DHFR2: variants seen among roughly 807,000 people sequenced by gnomAD.
The protein encoded by DHFR2 is dihydrofolate reductase 2, also known as dihydrofolate reductase 2, mitochondrial.
DHFR2 carries 11 observed loss-of-function variants against 12.0 expected under a neutral mutation model. The ratio of observed to expected loss-of-function variants is 0.92; its 90% CI spans 0.58 to 1.52. The LOEUF (loss-of-function observed/expected upper bound fraction) is 1.52, where lower values mean the gene tolerates loss of function less well. Ranked by LOEUF, DHFR2 falls within the 40% of genes most tolerant of loss-of-function variation. The pLI, the probability that DHFR2 is intolerant of heterozygous loss-of-function variation, is 0.00. For synonymous variants in DHFR2, 87 were observed against 79.6 expected (o/e 1.09, Z -0.49); for missense variants, 188 against 221.2 (o/e 0.85, Z 0.95).
At chr3:94,063,301 T>C (rs1218009279), upstream of DHFR2, 3 of 757,062 alleles carry the variant, frequency 4.0e-6, no homozygotes, top group Non-Finnish European at 4.7e-6. Flanking sequence ...GAAATAATGC[T>C]GAGTGCTGTA....
At chr3:94,062,002 T>C (rs966568210) in intron 1 of DHFR2, among the ~76,000 whole-genome samples, 21 of 152,188 alleles carry the variant, frequency 1.4e-4, no homozygotes, top group Admixed American at 7.2e-4. Context: ...TATATTGATA[T>C]GAGCATCAAG....
chr3:94,063,122 G>A (rs2107230085), upstream of DHFR2: 1 of 1,614,034 alleles, frequency 6.2e-7, no homozygotes, highest in Non-Finnish European at 8.5e-7. Context: ...GCTCTCAGCG[G>A]GACAATGCTG....
chr3:94,062,387 A>G (rs1400330385), intron 1 of DHFR2, among the ~76,000 whole-genome samples: 2 of 152,202 alleles, frequency 1.3e-5, no homozygotes, highest in Non-Finnish European at 1.5e-5. Context: ...TCTCCATTAA[A>G]AGGAGAGATT....
upstream of DHFR2, chr3:94,063,317 G>A (rs1399901456): frequency 1.3e-5 from 9 of 667,424 alleles, no homozygotes; most frequent in Non-Finnish European, 1.9e-5. Flanking sequence ...CTGTAATGCT[G>A]AGTCCCTTCC....
rs2077168401 is a variant in DHFR2 at position 94,060,759 on chromosome 3, G to A, written c.*189C>T. On this transcript the variant is annotated 3_prime_UTR_variant, in exon 2 of 2. Transcript: ENST00000314636. ...CTGGGGACTCAGTCGGGGTCTTGGA[G>A]AGACAGTTATAGCAAGAATGTTTCA... 2 of 698,092 alleles carry A rather than the reference G, an allele frequency of 2.9e-6. No individual in the cohort carries two copies. The highest frequency in any genetic ancestry group is 4.1e-4 in the Middle Eastern group (1 of 2,448). The allele number at this position is 698,092 out of a possible 1,614,324, so 43.2% of individuals were successfully genotyped here.
Position 94,059,686 on chromosome 3 carries a change from G to A in DHFR2, c.*1262C>T, listed in dbSNP as rs1418142887. On this transcript the variant is annotated 3_prime_UTR_variant, in exon 2 of 2. Transcript: ENST00000314636. ...TACCATCATCCCTCACTTGAACCTA[G>A]AATTGGTTTTCCTGCTTCTGTACTT... 6.6e-6 allele frequency: 1 copy of A among 152,178 alleles called. No homozygotes were observed. Among genetic ancestry groups the A allele is most frequent in the African/African-American group, 2.4e-5 (1 of 41,436 alleles). The allele number at this position is 152,178 out of a possible 1,614,324, so 9.4% of individuals were successfully genotyped here.
At chr3:94,063,090 C>G, upstream of DHFR2, 1 of 1,613,576 alleles carries the variant, frequency 6.2e-7, no homozygotes, top group East Asian at 2.2e-5. Context: ...GATACTGATT[C>G]GCGTACACCT....
Position 94,061,315 on chromosome 3 carries a change from C to T in DHFR2, c.197G>A (p.Arg66Gln). 1 of 1,613,988 alleles carries T rather than the reference C, an allele frequency of 6.2e-7. No individual in the cohort carries two copies. Among genetic ancestry groups the T allele is most frequent in the Non-Finnish European group, 8.5e-7 (1 of 1,179,906 alleles). ...KTWFSIPEKN[R>Q]PLKDRINLVL... ...TAAATTAATTCTATCCTTTAAAGGT[C>T]GATTCTTCTCAGGAATGGAGAACCA... The change falls in exon 2 of 2, where the codon CGA (arginine) becomes CAA (glutamine). Residue 66 changes from arginine to glutamine, a missense_variant. By Grantham distance (43) the Arg-to-Gln change is conservative. Transcript: ENST00000314636.
At chr3:94,063,092 C>T, upstream of DHFR2, 3 of 1,613,780 alleles carry the variant, frequency 1.9e-6, no homozygotes, top group Non-Finnish European at 2.5e-6. Context: ...TACTGATTCG[C>T]GTACACCTGT....
chr3:94,058,880 C>T lies in DHFR2; in HGVS notation c.*2068G>A, dbSNP rs920293040. ...CTCTTGGGCTCAAGCCATCCTTTTG[C>T]TTAGCCTCCTGAGTAGCTGGGACTA... On this transcript the variant is annotated 3_prime_UTR_variant, in exon 2 of 2. Coordinates refer to ENST00000314636, the MANE Select transcript of DHFR2 (RefSeq NM_176815.5). 1.3e-5 allele frequency: 2 copies of T among 154,546 alleles called. No individual in the cohort carries two copies. The highest frequency in any genetic ancestry group is 4.8e-5 in the African/African-American group (2 of 41,516). The allele number at this position is 154,546 out of a possible 1,614,324, so 9.6% of individuals were successfully genotyped here.
chr3:94,062,980 A>G, upstream of DHFR2: 2 of 829,262 alleles, frequency 2.4e-6, no homozygotes, highest in Non-Finnish European at 4.0e-6. Flanking sequence ...CGAGCAAATC[A>G]GTATCTCGCG....
chr3:94,063,042 A>C (rs2077186583), upstream of DHFR2: 6 of 1,473,828 alleles, frequency 4.1e-6, no homozygotes, highest in Non-Finnish European at 5.7e-6. Context: ...CGAATCCCGG[A>C]AGTCAGACTG....
upstream of DHFR2, chr3:94,063,222 A>G (rs1280213179): frequency 9.9e-6 from 13 of 1,311,160 alleles, no homozygotes; most frequent in Non-Finnish European, 1.3e-5. Flanking sequence ...GGGTGCTGGG[A>G]TGGGGGAACA....
At position 94,059,287 on chromosome 3, in the gene DHFR2, C is replaced by CA. The variant is rs2077160117; in HGVS notation, c.*1660dup. ...GGAGTGCAGTGGCAAAATCACGACTCACTGCAGCCTTGAACTCATGGGCTC... is the reference window on the plus strand; with the variant it reads ...GGAGTGCAGTGGCAAAATCACGACTCAACTGCAGCCTTGAACTCATGGGCTC... On this transcript the variant is annotated 3_prime_UTR_variant, in exon 2 of 2. Transcript: ENST00000314636. 1 of 152,208 alleles carries CA rather than the reference C, an allele frequency of 6.6e-6. No homozygotes were observed. Among genetic ancestry groups the CA allele is most frequent in the Non-Finnish European group, 1.5e-5 (1 of 68,076 alleles). 9.4% of individuals were successfully genotyped at this position (152,208 alleles called of 1,614,324 possible). A position where few individuals can be genotyped will look rare whatever the true frequency, so the allele number is the denominator to read the frequency against.
chr3:94,060,930 C>T lies in DHFR2; in HGVS notation c.*18G>A. On this transcript the variant is annotated 3_prime_UTR_variant, in exon 2 of 2. Transcript: ENST00000314636. The stretch of plus-strand genomic sequence containing the variant: ...TCAGAGGGAGGGGGAACAACTTAAA[C>T]CAGAAAACACCTTCATATTAATCAT... The T allele has an allele frequency of 1.2e-6, 2 of 1,609,016 alleles. No individual in the cohort carries two copies. Among genetic ancestry groups the T allele is most frequent in the Non-Finnish European group, 1.7e-6 (2 of 1,177,380 alleles).
rs2107226073 is a variant in DHFR2, at chr3:94,060,799, T to C, written c.*149A>G. 2 of 892,574 alleles carry C rather than the reference T, an allele frequency of 2.2e-6. No homozygotes were observed. The highest frequency in any genetic ancestry group is 1.7e-5 in the African/African-American group (1 of 59,232). 55.3% of individuals were successfully genotyped at this position (892,574 alleles called of 1,614,324 possible). On this transcript the variant is annotated 3_prime_UTR_variant, in exon 2 of 2. Transcript: ENST00000314636. ...AGAATGTTTCATAAATGGTATCTGATATAGCCAAGATTAGTGAGGAATAAA... is the reference window on the plus strand; with the variant it reads ...AGAATGTTTCATAAATGGTATCTGACATAGCCAAGATTAGTGAGGAATAAA...
rs1317860844 is a variant in DHFR2, at chr3:94,060,481, C to T, written c.*467G>A. ...TCTAAGACAGAAATATATTCATTTTCCCATCACTGGACTTCCAGGTTGTTT... is the reference window on the plus strand; with the variant it reads ...TCTAAGACAGAAATATATTCATTTTTCCATCACTGGACTTCCAGGTTGTTT... On this transcript the variant is annotated 3_prime_UTR_variant, in exon 2 of 2. Coordinates refer to ENST00000314636, the MANE Select transcript of DHFR2 (RefSeq NM_176815.5). The T allele has an allele frequency of 1.2e-5, 2 of 160,632 alleles. No individual in the cohort carries two copies. Among genetic ancestry groups the T allele is most frequent in the African/African-American group, 4.8e-5 (2 of 41,514 alleles). The allele number at this position is 160,632 out of a possible 1,614,324, so 10.0% of individuals were successfully genotyped here. A position where few individuals can be genotyped will look rare whatever the true frequency, so the allele number is the denominator to read the frequency against.
At position 94,061,242 on chromosome 3, in the gene DHFR2, A is replaced by C. The variant is rs758264025; in HGVS notation, c.270T>G (p.Leu90=). Residue 90 remains leucine, a synonymous_variant, in exon 2 of 2, where the codon CTT becomes CTG. Coordinates refer to ENST00000314636, the MANE Select transcript of DHFR2 (RefSeq NM_176815.5). The part of the protein sequence containing the change: ...LKEPPQGAHF[L]ARSLDDALKL... ...TTAAGGCATCATCCAAACTTCTGGC[A>C]AGAAAATGAGCTCCTTGTGGAGGTT... 9 of 1,614,020 alleles carry C rather than the reference A, an allele frequency of 5.6e-6. No individual in the cohort carries two copies.
rs2077175662 is a variant in DHFR2, at chr3:94,061,588, T to C, written c.-77A>G. ...CCAAGAATGCCGCGAAATTCCCTTC[T>C]TCAAATTTTTTTACGTGCCTACATT... On this transcript the variant is annotated 5_prime_UTR_variant, in exon 2 of 2. Coordinates refer to ENST00000314636, the MANE Select transcript of DHFR2 (RefSeq NM_176815.5). 5 of 1,588,616 alleles carry C rather than the reference T, an allele frequency of 3.1e-6. No individual in the cohort carries two copies. The South Asian group carries it at 4.5e-5, about 14-fold the overall frequency.
Sources: allele counts gnomAD v4.1 joint callset (sites outside exome capture counted in the v4.1 genomes callset), GRCh38; gene constraint gnomAD v4.1.1; transcripts MANE v1.5; gene names NCBI Gene and HGNC (gene_info 2026-07-23, HGNC 2026-07-21).